Variants in AGMO observed in about 807,000 individuals in gnomAD.
The protein encoded by AGMO is alkylglycerol monooxygenase.
A neutral mutation model predicts 60.2 loss-of-function variants in AGMO; 75 were observed. The ratio of observed to expected loss-of-function variants is 1.25; its 90% CI spans 1.03 to 1.51. AGMO has a LOEUF of 1.51. Among genes scored for constraint, AGMO ranks in the 40% most tolerant of loss-of-function variants. AGMO has a pLI of 0.00. For synonymous variants in AGMO, 261 were observed against 177.1 expected (o/e 1.47, Z -3.76); for missense variants, 763 against 525.5 (o/e 1.45, Z -4.42).
At chr7:15,273,304 A>G (rs1413159213) in intron 12 of AGMO, among the ~76,000 whole-genome samples, 5 of 152,168 alleles carry the variant, frequency 3.3e-5, no homozygotes, top group East Asian at 1.9e-4. Context: ...TAATTTCTGC[A>G]TAAGGTGTAA....
At chr7:15,195,352 A>G (rs73054506), downstream of AGMO, among the ~76,000 whole-genome samples, 12,645 of 152,240 alleles carry the variant, frequency 0.083, 745 homozygotes, top group Non-Finnish European at 0.11. Flanking sequence ...TGGGTGCCCC[A>G]GTGGGTCTTC....
intron 12 of AGMO, among the ~76,000 whole-genome samples, chr7:15,225,239 C>T (rs1316054488): frequency 1.3e-5 from 2 of 151,912 alleles, no homozygotes; most frequent in Non-Finnish European, 2.9e-5. Flanking sequence ...TGCATGAATG[C>T]TCACAACTTT....
Position 15,269,266 on chromosome 7 carries a change from T to C in AGMO, c.1264-67907A>G, listed in dbSNP as rs182429586. Among the ~76,000 whole-genome samples, 59 of 152,210 alleles carry C rather than the reference T, an allele frequency of 3.9e-4. 1 individual carries two copies. The highest frequency in any genetic ancestry group is 1.3e-3 in the African/African-American group (55 of 41,548). ...AAGGTGGAAGATACATGGATATCAATAGTCTTTTCTTCCAGTGAGTATAAC... is the reference window on the plus strand; with the variant it reads ...AAGGTGGAAGATACATGGATATCAACAGTCTTTTCTTCCAGTGAGTATAAC... On this transcript the variant is annotated intron_variant, in intron 12 of 12. Coordinates refer to ENST00000342526, the MANE Select transcript of AGMO (RefSeq NM_001004320.2).
intron 12 of AGMO, among the ~76,000 whole-genome samples, chr7:15,264,249 T>C (rs761966080): frequency 5.9e-5 from 9 of 152,018 alleles, no homozygotes; most frequent in African/African-American, 1.2e-4. Context: ...GCTTAAAATA[T>C]ATATTTTACC....
chr7:15,549,019 G>C (rs571007620), intron 2 of AGMO, among the ~76,000 whole-genome samples: 4,386 of 148,726 alleles, frequency 0.029, 194 homozygotes, highest in African/African-American at 0.11. Context: ...ATTCAACATT[G>C]TTAAAGAAAA....
At chr7:15,350,869 G>A (rs1229118268) in intron 12 of AGMO, among the ~76,000 whole-genome samples, 1 of 152,152 alleles carries the variant, frequency 6.6e-6, no homozygotes, top group Non-Finnish European at 1.5e-5. Flanking sequence ...ACATTGAGAA[G>A]AATAAATGAG....
chr7:15,181,415 T>G, the AGMO span, among the ~76,000 whole-genome samples: 2 of 152,200 alleles, frequency 1.3e-5, no homozygotes, highest in African/African-American at 4.8e-5. Context: ...ACTCTCATTC[T>G]TCACTGGACC....
rs1784269253 is a variant in AGMO, at chr7:15,291,726, G to A, written c.1263+73788C>T. Among the ~76,000 whole-genome samples, 6 of 152,230 alleles carry A rather than the reference G, an allele frequency of 3.9e-5. 2 individuals carry two copies. The South Asian group carries it at 1.2e-3, about 32-fold the overall frequency. ...CTAACAGGATTCACGGCCTAGCACA[G>A]AAGATGAACATATAAATGCATCGTA... On this transcript the variant is annotated intron_variant, in intron 12 of 12. Transcript: ENST00000342526.
At chr7:15,241,929 G>A (rs150080669) in intron 12 of AGMO, among the ~76,000 whole-genome samples, 189 of 152,178 alleles carry the variant, frequency 1.2e-3, no homozygotes, top group African/African-American at 4.3e-3. Context: ...GTTTCCTGTT[G>A]CTGGCTGTTA....
chr7:15,248,683 G>C (rs1189173770), intron 12 of AGMO, among the ~76,000 whole-genome samples: 2 of 152,130 alleles, frequency 1.3e-5, no homozygotes, highest in Non-Finnish European at 2.9e-5. Flanking sequence ...ATTGTCCCAT[G>C]GCTATTTTTG....
chr7:15,541,002 C>G (rs1260983482), intron 3 of AGMO, among the ~76,000 whole-genome samples: 3 of 152,184 alleles, frequency 2.0e-5, no homozygotes, highest in Admixed American at 6.5e-5. Flanking sequence ...CAGTAATTAT[C>G]AGCTTTTAAA....
rs549172242 is a variant in AGMO, at chr7:15,242,715, C to G, written c.1264-41356G>C. The stretch of plus-strand genomic sequence containing the variant: ...GACCTAAATATTTACATGATTACCA[C>G]TTTCCCCACTGCTGAGTAAAAAACT... On this transcript the variant is annotated intron_variant, in intron 12 of 12. Coordinates refer to ENST00000342526, the MANE Select transcript of AGMO (RefSeq NM_001004320.2). Among the ~76,000 whole-genome samples the G allele has an allele frequency of 5.3e-5, 8 of 152,280 alleles. No homozygotes were observed. In the South Asian group the frequency reaches 1.2e-3, roughly 24 times the overall value.
the AGMO span, among the ~76,000 whole-genome samples, chr7:15,129,027 CTT>C: frequency 6.6e-6 from 1 of 152,000 alleles, no homozygotes; most frequent in Non-Finnish European, 1.5e-5. Context: ...TGGTGGTGGG[CTT>C]ACTAGAAGTG....
chr7:15,355,504 CA>C (rs56695710), intron 12 of AGMO, among the ~76,000 whole-genome samples: 5,345 of 81,524 alleles, frequency 0.066, 68 homozygotes, highest in South Asian at 0.17. Flanking sequence ...GACTCTGTCT[CA>C]AAAAAAAAAA....
At chr7:15,338,909 G>A (rs1781745506) in intron 12 of AGMO, among the ~76,000 whole-genome samples, 1 of 152,134 alleles carries the variant, frequency 6.6e-6, no homozygotes. Context: ...AAACAATGTG[G>A]ACAGTAGAAG....
At chr7:15,457,637 T>C (rs1002772603) in intron 3 of AGMO, among the ~76,000 whole-genome samples, 2 of 152,226 alleles carry the variant, frequency 1.3e-5, no homozygotes, top group Admixed American at 1.3e-4. Flanking sequence ...TTAATAAGTT[T>C]GTCAAAAATA....
intron 3 of AGMO, among the ~76,000 whole-genome samples, chr7:15,538,382 G>GT (rs1784532213): frequency 6.6e-6 from 1 of 152,014 alleles, no homozygotes; most frequent in Non-Finnish European, 1.5e-5. Context: ...GTAGGCACGT[G>GT]CCACCACACC....
At chr7:15,512,391 C>T (rs976291991) in intron 3 of AGMO, among the ~76,000 whole-genome samples, 1 of 152,088 alleles carries the variant, frequency 6.6e-6, no homozygotes, top group Admixed American at 6.6e-5. Flanking sequence ...TAGCTGGGAC[C>T]ACAGGCGAAT....
chr7:15,350,039 CACTG>C lies in AGMO; in HGVS notation c.1263+15471_1263+15474del, dbSNP rs554104703. On this transcript the variant is annotated intron_variant, in intron 12 of 12. Coordinates refer to ENST00000342526, the MANE Select transcript of AGMO (RefSeq NM_001004320.2). ...CCCACATCCAATATGGAATCTTAAA[CACTG>C]ATTATTCTCTTGATTTCACAAATCA... 2.1e-4 allele frequency among the ~76,000 whole-genome samples: 32 copies of C among 152,224 alleles called. No homozygotes were observed. In the East Asian group the frequency reaches 6.0e-3, roughly 28 times the overall value.
Sources: allele counts gnomAD v4.1 joint callset (sites outside exome capture counted in the v4.1 genomes callset), GRCh38; gene constraint gnomAD v4.1.1; transcripts MANE v1.5; gene names NCBI Gene and HGNC (gene_info 2026-07-23, HGNC 2026-07-21).